The following PACS2 variants were observed in gnomAD, a reference collection of about 807,000 sequenced individuals.
PACS2 encodes the protein phosphofurin acidic cluster sorting protein 2, also known as PACS1-like protein.
PACS2 carries 36 observed loss-of-function variants against 113.0 expected under a neutral mutation model. That is an observed-to-expected ratio of 0.32 (90% CI 0.24 to 0.42). PACS2 has a LOEUF of 0.42. Ranked by LOEUF, PACS2 falls within the 10% of genes least tolerant of loss-of-function variation. PACS2 has a pLI of 1.00. For synonymous variants in PACS2, 589 were observed against 536.1 expected (o/e 1.10, Z -1.36); for missense variants, 1,015 against 1,239.5 (o/e 0.82, Z 2.72).
upstream of PACS2, among the ~76,000 whole-genome samples, chr14:105,311,207 G>A (rs1298817268): frequency 6.6e-6 from 1 of 152,060 alleles, no homozygotes; most frequent in Non-Finnish European, 1.5e-5. Flanking sequence ...ACCCACTTCG[G>A]CCTCCCAAAG....
chr14:105,383,554 C>A, intron 16 of PACS2, 41 bp downstream of exon 16: 1 of 1,542,846 alleles, frequency 6.5e-7, no homozygotes, highest in Non-Finnish European at 8.7e-7. Context: ...GCACAGATGC[C>A]ACGGGCAGTG....
rs587614490 is a variant in PACS2, at chr14:105,376,281, G to A, written c.802-487G>A. On this transcript the variant is annotated intron_variant, in intron 8 of 24. Coordinates refer to ENST00000447393, the MANE Select transcript of PACS2 (RefSeq NM_001100913.3). The surrounding 1 kb of genome is among the most constrained non-coding windows in gnomAD (Gnocchi z 4.7). ...ATGACGCCCTCCTCCCCCCGCCACC[G>A]AGAGCTGCAGGCCACATGATTCCTT... Among the ~76,000 whole-genome samples, 6 of 152,052 alleles carry A rather than the reference G, an allele frequency of 3.9e-5. No homozygotes were observed. The East Asian group carries it at 1.2e-3, about 29-fold the overall frequency.
intron 1 of PACS2, among the ~76,000 whole-genome samples, chr14:105,334,162 GC>G (rs1304322322): frequency 6.6e-6 from 1 of 152,214 alleles, no homozygotes; most frequent in Non-Finnish European, 1.5e-5. Context: ...CTGCTCAGCT[GC>G]ATCCTCCTGC....
Position 105,323,462 on chromosome 14 carries a change from G to T in PACS2, c.119+8425G>T, listed in dbSNP as rs1041556633. On this transcript the variant is annotated intron_variant, in intron 1 of 24. Coordinates refer to ENST00000447393, the MANE Select transcript of PACS2 (RefSeq NM_001100913.3). The surrounding 1 kb of genome is among the most constrained non-coding windows in gnomAD (Gnocchi z 4.1). ...CCAGCCTGCACGAGACTCTCACGGC[G>T]GGACCCTGTCTGCCTTGCTCGGTGC... Among the ~76,000 whole-genome samples, 1 of 152,244 alleles carries T rather than the reference G, an allele frequency of 6.6e-6. No homozygotes were observed. The highest frequency in any genetic ancestry group is 1.9e-4 in the East Asian group (1 of 5,202).
chr14:105,394,324 C>A, intron 24 of PACS2: 1 of 985,172 alleles, frequency 1.0e-6, no homozygotes, highest in Non-Finnish European at 1.2e-6. Flanking sequence ...GCCCTCCCCA[C>A]CCCCCAGGGC....
At chr14:105,377,503 A>G (rs948690036) in intron 9 of PACS2, among the ~76,000 whole-genome samples, 5 of 152,120 alleles carry the variant, frequency 3.3e-5, no homozygotes, top group Non-Finnish European at 7.4e-5. Context: ...AGGCAAGCAC[A>G]CCAGGCAGAA....
intron 1 of PACS2, among the ~76,000 whole-genome samples, chr14:105,332,690 G>T (rs921732805): frequency 6.6e-6 from 1 of 152,182 alleles, no homozygotes; most frequent in African/African-American, 2.4e-5. Context: ...GTCCTCTCGT[G>T]GGCGGTCCAA....
At chr14:105,350,856 C>T (rs1277812333) in intron 2 of PACS2, among the ~76,000 whole-genome samples, 5 of 152,238 alleles carry the variant, frequency 3.3e-5, no homozygotes, top group East Asian at 1.9e-4. Flanking sequence ...CAGACCACAA[C>T]GCAGGGGCAG....
In PACS2 at chr14:105,391,288, T is replaced by C. The variant is rs369626388; in HGVS notation, c.2119+39T>C. On this transcript the variant is annotated intron_variant, in intron 21 of 24. Transcript: ENST00000447393. ...ACCCTGAGGCCTTGTGAGTGGCCCG[T>C]GGGTGGGCTGCAGGAGCACGGTCAT... The C allele has an allele frequency of 2.2e-5, 33 of 1,526,998 alleles. No individual in the cohort carries two copies. In the African/African-American group the frequency reaches 4.5e-4, roughly 21 times the overall value. The allele number at this position is 1,526,998 out of a possible 1,614,324, so 94.6% of individuals were successfully genotyped here.
intron 1 of PACS2, among the ~76,000 whole-genome samples, chr14:105,328,595 C>G (rs1384656667): frequency 6.6e-6 from 1 of 152,208 alleles, no homozygotes; most frequent in Non-Finnish European, 1.5e-5. Flanking sequence ...CACGCACTTG[C>G]TGGAGGTACT....
intron 1 of PACS2, among the ~76,000 whole-genome samples, chr14:105,326,712 G>C (rs1223025437): frequency 3.9e-5 from 6 of 152,228 alleles, no homozygotes; most frequent in Non-Finnish European, 4.4e-5. Context: ...AGGGAGGGGA[G>C]CGGGAGCTCT....
intron 8 of PACS2, 177 bp downstream of exon 8, chr14:105,370,077 T>C: frequency 1.7e-6 from 1 of 585,210 alleles, no homozygotes; most frequent in Non-Finnish European, 3.0e-6. Flanking sequence ...CCTCCCGGGC[T>C]CCAGGTCACC....
At chr14:105,362,403 C>A (rs1417056285) in intron 4 of PACS2, among the ~76,000 whole-genome samples, 4 of 139,046 alleles carry the variant, frequency 2.9e-5, no homozygotes, top group Non-Finnish European at 6.0e-5. Context: ...GGCGACAGAG[C>A]GAGACTCCGT....
intron 19 of PACS2, among the ~76,000 whole-genome samples, chr14:105,386,673 C>A (rs2141272463): frequency 6.6e-6 from 1 of 152,166 alleles, no homozygotes; most frequent in Non-Finnish European, 1.5e-5. Flanking sequence ...AACCCCCTGA[C>A]CTCAGTGCAG....
At position 105,355,154 on chromosome 14, in the gene PACS2, G is replaced by T. The variant is rs1555405106; in HGVS notation, c.400G>T (p.Ala134Ser). 1 of 1,613,378 alleles carries T rather than the reference G, an allele frequency of 6.2e-7. No homozygotes were observed. Among genetic ancestry groups the T allele is most frequent in the African/African-American group, 1.3e-5 (1 of 75,076 alleles). Residue 134 changes from alanine to serine, a missense_variant, in exon 4 of 25, where the codon GCG becomes TCG. Coordinates refer to ENST00000447393, the MANE Select transcript of PACS2 (RefSeq NM_001100913.3). This position sits in a 1 kb window ranked among gnomAD's most constrained non-coding sequence, Gnocchi z 4.1. Reference protein sequence around the residue: ...RTILGYKTLAAGSISMAEVMQ... With the variant: ...RTILGYKTLASGSISMAEVMQ... ...CATCCTGGGCTACAAGACGCTGGCC[G>T]CGGGCTCCATCAGCATGGCTGAGGT... is the stretch of plus-strand genomic sequence containing the variant.
chr14:105,351,490 C>T (rs1467267455), intron 2 of PACS2, among the ~76,000 whole-genome samples: 2 of 152,130 alleles, frequency 1.3e-5, no homozygotes, highest in Non-Finnish European at 2.9e-5. Flanking sequence ...AGTATTGTAT[C>T]TCTGTATGTT....
Position 105,323,447 on chromosome 14 carries a change from C to T in PACS2, c.119+8410C>T, listed in dbSNP as rs991382295. Among the ~76,000 whole-genome samples, 15 of 152,232 alleles carry T rather than the reference C, an allele frequency of 9.9e-5. No individual in the cohort carries two copies. Among genetic ancestry groups the T allele is most frequent in the African/African-American group, 3.1e-4 (13 of 41,462 alleles). On this transcript the variant is annotated intron_variant, in intron 1 of 24. Coordinates refer to ENST00000447393, the MANE Select transcript of PACS2 (RefSeq NM_001100913.3). The surrounding 1 kb of genome is among the most constrained non-coding windows in gnomAD (Gnocchi z 4.1). ...GCCTACTGACCGCTGCCAGCCTGCA[C>T]GAGACTCTCACGGCGGGACCCTGTC...
chr14:105,382,094 G>A (rs1344965125), intron 13 of PACS2, 36 bp downstream of exon 13: 8 of 1,532,288 alleles, frequency 5.2e-6, no homozygotes, highest in Non-Finnish European at 7.0e-6. Context: ...CAGGAGGCAG[G>A]GCTCGTGGTC....
chr14:105,379,691 A>G (rs1374095605), intron 9 of PACS2, 48 bp from the exon 10 acceptor site: 9 of 1,481,118 alleles, frequency 6.1e-6, no homozygotes, highest in Non-Finnish European at 8.5e-6. Flanking sequence ...TCAGTGCAAG[A>G]AGGGTCCTGG....
Sources: allele counts gnomAD v4.1 joint callset (sites outside exome capture counted in the v4.1 genomes callset), GRCh38; gene constraint gnomAD v4.1.1; non-coding constraint Gnocchi (gnomAD v3.1); transcripts MANE v1.5; gene names NCBI Gene and HGNC (gene_info 2026-07-23, HGNC 2026-07-21).